Variants in RAI14 observed in about 807,000 individuals in gnomAD.
RAI14 encodes the protein retinoic acid induced 14, also known as ankycorbin.
A neutral mutation model predicts 115.4 loss-of-function variants in RAI14; 45 were observed. The ratio of observed to expected loss-of-function variants is 0.39; its 90% confidence interval spans 0.31 to 0.50. The LOEUF is 0.50. Ranked by LOEUF, RAI14 falls within the 20% of genes least tolerant of loss-of-function variation. RAI14 has a pLI of 0.85. For synonymous variants in RAI14, 371 were observed against 415.4 expected (o/e 0.89, Z 1.30); for missense variants, 939 against 1,131.2 (o/e 0.83, Z 2.44).
intron 7 of RAI14, among the ~76,000 whole-genome samples, chr5:34,810,391 A>T (rs1173806935): frequency 1.3e-5 from 2 of 152,212 alleles, no homozygotes; most frequent in African/African-American, 2.4e-5. Flanking sequence ...TAGTTTGTAT[A>T]TGAGTTGGAG....
At chr5:34,679,677 G>A (rs142013523) in intron 1 of RAI14, among the ~76,000 whole-genome samples, 2 of 152,120 alleles carry the variant, frequency 1.3e-5, no homozygotes, top group African/African-American at 2.4e-5. Flanking sequence ...GCACGTGACT[G>A]GGGGGATGCT....
At chr5:34,765,488 G>C (rs1005665956) in intron 3 of RAI14, among the ~76,000 whole-genome samples, 1 of 152,190 alleles carries the variant, frequency 6.6e-6, no homozygotes, top group Non-Finnish European at 1.5e-5. Context: ...TTAGCAAAGA[G>C]ACTGGTGGCA....
At position 34,823,912 on chromosome 5, in the gene RAI14, G is replaced by T; in HGVS notation, c.2070G>T (p.Val690=). The T allele has an allele frequency of 1.2e-6, 2 of 1,614,146 alleles. No individual in the cohort carries two copies. The highest frequency in any genetic ancestry group is 1.7e-6 in the Non-Finnish European group (2 of 1,180,018). ...EHEKLMQLTN[V]SRAKAEDALS... ...AGAAACTGATGCAATTGACAAACGT[G>T]TCCAGGGCTAAAGCAGAAGATGCAC... Residue 690 remains valine, a synonymous_variant, in exon 15 of 18, where the codon GTG becomes GTT. Coordinates refer to ENST00000265109, the MANE Select transcript of RAI14 (RefSeq NM_015577.3). This position sits in a 1 kb window ranked among gnomAD's most constrained non-coding sequence, Gnocchi z 4.5.
Position 34,810,986 on chromosome 5 carries a change from A to G in RAI14, c.451-26A>G, listed in dbSNP as rs1196983216. ...TTCTGGCATTTTGTGCCTGAGGTAA[A>G]ATCTAAATCTGAATTTGTCTCCTAG... On this transcript the variant is annotated intron_variant, in intron 7 of 17. Transcript: ENST00000265109. 1.9e-6 allele frequency: 3 copies of G among 1,609,586 alleles called. No individual in the cohort carries two copies. In the African/African-American group the frequency reaches 4.0e-5, roughly 22 times the overall value.
chr5:34,720,361 G>C (rs974995184), intron 2 of RAI14, among the ~76,000 whole-genome samples: 1 of 148,802 alleles, frequency 6.7e-6, no homozygotes. Context: ...ATGTTCAATC[G>C]CTTCCAGACT....
At chr5:34,799,685 A>ATTTTTTTTTTTTTTTTTTT (rs57115550) in intron 4 of RAI14, among the ~76,000 whole-genome samples, 17 of 103,398 alleles carry the variant, frequency 1.6e-4, no homozygotes, top group African/African-American at 5.9e-4. Flanking sequence ...ATCTGTTAGC[A>ATTTTTTTTTTTTTTTTTTT]TTTTTTTTTT....
At position 34,769,604 on chromosome 5, in the gene RAI14, A is replaced by G. The variant is rs151065230; in HGVS notation, c.167+12006A>G. 1.8e-3 allele frequency among the ~76,000 whole-genome samples: 276 copies of G among 152,320 alleles called. 1 individual carries two copies. Among genetic ancestry groups the G allele is most frequent in the African/African-American group, 6.0e-3 (249 of 41,568 alleles). Reference sequence around the variant, plus strand: ...ATGGAATCCTAGACTTTTAGAGGAGAAAAGGCTTAGTAATTCTGTAGATCA... The same window carrying G: ...ATGGAATCCTAGACTTTTAGAGGAGGAAAGGCTTAGTAATTCTGTAGATCA... On this transcript the variant is annotated intron_variant, in intron 3 of 17. Coordinates refer to ENST00000265109, the MANE Select transcript of RAI14 (RefSeq NM_015577.3).
intron 2 of RAI14, among the ~76,000 whole-genome samples, chr5:34,723,470 A>T (rs544776195): frequency 1.2e-4 from 19 of 152,310 alleles, no homozygotes; most frequent in African/African-American, 4.6e-4. Flanking sequence ...AAGCCCACGT[A>T]CATTATGGAA....
chr5:34,783,954 C>A (rs536116202), intron 3 of RAI14, among the ~76,000 whole-genome samples: 1 of 152,286 alleles, frequency 6.6e-6, no homozygotes, highest in Non-Finnish European at 1.5e-5. Context: ...GAAAAGGTGT[C>A]CACACATACA....
At position 34,701,969 on chromosome 5, in the gene RAI14, C is replaced by T. The variant is rs1015265229; in HGVS notation, c.36+15014C>T. 7.9e-5 allele frequency among the ~76,000 whole-genome samples: 12 copies of T among 152,078 alleles called. 1 individual carries two copies. Among genetic ancestry groups the T allele is most frequent in the South Asian group, 4.1e-4 (2 of 4,824 alleles). On this transcript the variant is annotated intron_variant, in intron 2 of 17. Transcript: ENST00000265109. The stretch of plus-strand genomic sequence containing the variant: ...CTGGGATTACAGGTGCCTGCTACCA[C>T]GCCCGGCTAATTTTTTGTATTTTTA...
intron 2 of RAI14, among the ~76,000 whole-genome samples, chr5:34,708,954 G>A (rs1248408492): frequency 6.6e-6 from 1 of 150,944 alleles, no homozygotes; most frequent in Admixed American, 6.6e-5. Context: ...ACCAGTCTGG[G>A]CAACATAGCA....
chr5:34,702,819 G>A (rs1187728257), intron 2 of RAI14, among the ~76,000 whole-genome samples: 2 of 152,160 alleles, frequency 1.3e-5, no homozygotes, highest in Non-Finnish European at 2.9e-5. Flanking sequence ...CAATTCTCCT[G>A]CCTCAGCCTC....
At chr5:34,699,781 G>T (rs1474774525) in intron 2 of RAI14, among the ~76,000 whole-genome samples, 1 of 152,202 alleles carries the variant, frequency 6.6e-6, no homozygotes, top group Non-Finnish European at 1.5e-5. Context: ...GTGCACACGG[G>T]TGTTTGCTGT....
At chr5:34,805,030 A>G (rs1365061997) in intron 5 of RAI14, among the ~76,000 whole-genome samples, 1 of 152,214 alleles carries the variant, frequency 6.6e-6, no homozygotes, top group Non-Finnish European at 1.5e-5. Context: ...GTAATCTTAT[A>G]TCTGGTTATG....
At chr5:34,776,806 T>TCAAGAGACAACAACAACAAC (rs1561347587) in intron 3 of RAI14, among the ~76,000 whole-genome samples, 1 of 89,792 alleles carries the variant, frequency 1.1e-5, no homozygotes, top group Non-Finnish European at 3.1e-5. Flanking sequence ...GACCCTTTAT[T>TCAAGAGACAACAACAACAAC]AAAAAAACCC....
At chr5:34,758,524 G>T (rs991951364) in intron 3 of RAI14, among the ~76,000 whole-genome samples, 2 of 152,066 alleles carry the variant, frequency 1.3e-5, no homozygotes, top group African/African-American at 4.8e-5. Context: ...TATTTTTAAG[G>T]TGTGTTATTG....
intron 3 of RAI14, among the ~76,000 whole-genome samples, chr5:34,795,231 C>T (rs1030459926): frequency 2.6e-5 from 4 of 152,214 alleles, no homozygotes; most frequent in African/African-American, 7.2e-5. Context: ...TTTGTGCTCC[C>T]AAGTTTCACT....
intron 2 of RAI14, among the ~76,000 whole-genome samples, chr5:34,711,070 G>A (rs1392737991): frequency 6.6e-6 from 1 of 152,138 alleles, no homozygotes; most frequent in Non-Finnish European, 1.5e-5. Flanking sequence ...AAATCCTAAT[G>A]CCCAAGGTGA....
At chr5:34,660,611 G>A (rs569626291) in intron 1 of RAI14, among the ~76,000 whole-genome samples, 2 of 152,194 alleles carry the variant, frequency 1.3e-5, no homozygotes, top group African/African-American at 2.4e-5. Context: ...TAAGATTAAG[G>A]GGTAGGAGTA....
Sources: gnomAD v4.1 joint callset for allele counts (sites outside exome capture counted in the v4.1 genomes callset) on GRCh38, gnomAD v4.1.1 for gene constraint, Gnocchi (gnomAD v3.1) non-coding constraint, MANE v1.5 for transcripts, NCBI Gene and HGNC (gene_info 2026-07-23, HGNC 2026-07-21) for gene names.